ARHGAP21: variants seen among roughly 807,000 people sequenced by gnomAD.
The protein encoded by ARHGAP21 is Rho GTPase activating protein 21.
ARHGAP21 carries 38 observed loss-of-function variants against 164.6 expected under a neutral mutation model. The observed-to-expected ratio is 0.23, with a 90% CI of 0.18 to 0.30. The LOEUF (loss-of-function observed/expected upper bound fraction) is 0.30. Ranked by LOEUF, ARHGAP21 falls within the 10% of genes least tolerant of loss-of-function variation. The probability of loss-of-function intolerance (pLI) is 1.00; values close to 1 mark genes in which losing one functional copy is unlikely to be tolerated. For missense variants in ARHGAP21, 1,822 were observed against 2,370.7 expected (o/e 0.77, Z 4.81); for synonymous variants, 766 against 857.9 (o/e 0.89, Z 1.87).
intron 2 of ARHGAP21, among the ~76,000 whole-genome samples, chr10:24,721,499 G>A (rs989779845): frequency 2.0e-5 from 3 of 152,218 alleles, no homozygotes; most frequent in Non-Finnish European, 4.4e-5. Flanking sequence ...TATCTCGGAA[G>A]GGGACTGAAG....
At chr10:24,692,097 G>T (rs1842802592) in intron 2 of ARHGAP21, among the ~76,000 whole-genome samples, 2 of 152,208 alleles carry the variant, frequency 1.3e-5, no homozygotes, top group Admixed American at 6.5e-5. Flanking sequence ...CAGGTGTTCA[G>T]ATTTTTCTTG....
In ARHGAP21 at chr10:24,629,460, T is replaced by C. The variant is rs528367976; in HGVS notation, c.495+536A>G. The C allele has an allele frequency of 3.3e-4, 50 of 152,652 alleles. No individual in the cohort carries two copies. The South Asian group carries it at 9.5e-3, about 29-fold the overall frequency. The allele number at this position is 152,652 out of a possible 1,614,324, so 9.5% of individuals were successfully genotyped here. ...GACCATAACATATTTTCCCCTTAAGTTGTAGACTCCGTTCATTGTGAACAT... is the reference window on the plus strand; with the variant it reads ...GACCATAACATATTTTCCCCTTAAGCTGTAGACTCCGTTCATTGTGAACAT... On this transcript the variant is annotated intron_variant, in intron 7 of 25. Coordinates refer to ENST00000396432, the MANE Select transcript of ARHGAP21 (RefSeq NM_020824.4).
intron 11 of ARHGAP21, 44 bp downstream of exon 11, chr10:24,607,455 C>G (rs770148156): frequency 4.6e-6 from 7 of 1,531,866 alleles, no homozygotes; most frequent in Middle Eastern, 4.7e-4. Flanking sequence ...ATGCTGAACA[C>G]CCACCCACAT....
chr10:24,651,803 G>T (rs952336708), intron 4 of ARHGAP21, among the ~76,000 whole-genome samples: 3 of 152,146 alleles, frequency 2.0e-5, no homozygotes, highest in African/African-American at 7.2e-5. Flanking sequence ...TAGATCAAAA[G>T]ATTCCATATT....
At chr10:24,659,084 G>A (rs548477672) in intron 4 of ARHGAP21, among the ~76,000 whole-genome samples, 14 of 152,268 alleles carry the variant, frequency 9.2e-5, no homozygotes, top group African/African-American at 2.2e-4. Context: ...TTCATTGCTG[G>A]TGGAGACATA....
chr10:24,688,065 T>G (rs568880900), intron 2 of ARHGAP21, among the ~76,000 whole-genome samples: 3 of 152,324 alleles, frequency 2.0e-5, no homozygotes, highest in African/African-American at 7.2e-5. Flanking sequence ...TCAAAGAATT[T>G]TATAGCTAGA....
intron 5 of ARHGAP21, 57 bp downstream of exon 5, chr10:24,634,954 G>A (rs1836220215): frequency 7.8e-7 from 1 of 1,276,256 alleles, no homozygotes; most frequent in Admixed American, 2.6e-5. Context: ...ATGAAATATG[G>A]AAGAAATAAA....
chr10:24,698,234 T>C (rs1441951095), intron 2 of ARHGAP21, among the ~76,000 whole-genome samples: 1 of 152,220 alleles, frequency 6.6e-6, no homozygotes. Context: ...TATATAGTAC[T>C]ATGTAAAAAC....
At chr10:24,702,957 C>T (rs1843839044) in intron 2 of ARHGAP21, among the ~76,000 whole-genome samples, 1 of 152,098 alleles carries the variant, frequency 6.6e-6, no homozygotes. Flanking sequence ...AAATGTTCAA[C>T]AGATAAATGG....
At chr10:24,683,028 G>A (rs535280172) in intron 2 of ARHGAP21, among the ~76,000 whole-genome samples, 81 of 150,762 alleles carry the variant, frequency 5.4e-4, no homozygotes, top group Admixed American at 1.8e-3. Context: ...CCCGGGAGGC[G>A]GAGCATGCAG....
At chr10:24,690,514 A>G (rs1842666356) in intron 2 of ARHGAP21, among the ~76,000 whole-genome samples, 1 of 152,126 alleles carries the variant, frequency 6.6e-6, no homozygotes, top group South Asian at 2.1e-4. Flanking sequence ...TGCTATTCTA[A>G]GTGCCCCATA....
intron 2 of ARHGAP21, among the ~76,000 whole-genome samples, chr10:24,671,775 T>G (rs1593241406): frequency 6.6e-6 from 1 of 150,708 alleles, no homozygotes; most frequent in East Asian, 1.9e-4. Context: ...TGGGCTGGAG[T>G]GCAGTGCCAT....
rs142249891 is a variant in ARHGAP21, at chr10:24,717,205, A to G, written c.63+4632T>C. The stretch of plus-strand genomic sequence containing the variant: ...GATGTCGAGGAAACCTCAAAGAGAC[A>G]GAAGGAGGTGACAACGAGGAAGGAA... On this transcript the variant is annotated intron_variant, in intron 2 of 25. Coordinates refer to ENST00000396432, the MANE Select transcript of ARHGAP21 (RefSeq NM_020824.4). Among the ~76,000 whole-genome samples, 230 of 152,368 alleles carry G rather than the reference A, an allele frequency of 1.5e-3. 5 individuals are homozygous for G. In the East Asian group the frequency reaches 0.038, roughly 25 times the overall value.
chr10:24,600,013 A>T (rs1460734479), intron 14 of ARHGAP21, among the ~76,000 whole-genome samples: 1 of 151,766 alleles, frequency 6.6e-6, no homozygotes, highest in Non-Finnish European at 1.5e-5. Flanking sequence ...GCTGCCTGTC[A>T]TCCCAGCTAC....
intron 2 of ARHGAP21, among the ~76,000 whole-genome samples, chr10:24,704,235 A>C (rs1386947599): frequency 6.6e-6 from 1 of 151,908 alleles, no homozygotes; most frequent in Non-Finnish European, 1.5e-5. Context: ...CAGAAGCCAC[A>C]GGAGATGTCA....
chr10:24,721,045 T>C lies in ARHGAP21; in HGVS notation c.63+792A>G, dbSNP rs182341967. 3.3e-5 allele frequency among the ~76,000 whole-genome samples: 5 copies of C among 150,196 alleles called. No homozygotes were observed. The East Asian group carries it at 9.8e-4, about 29-fold the overall frequency. ...AGAGTATATGCGTGTCATAAATCAA[T>C]GTATTTTCTATGATTTCTGTCCTGC... On this transcript the variant is annotated intron_variant, in intron 2 of 25. Coordinates refer to ENST00000396432, the MANE Select transcript of ARHGAP21 (RefSeq NM_020824.4).
intron 9 of ARHGAP21, among the ~76,000 whole-genome samples, chr10:24,614,154 T>C (rs1333545659): frequency 1.3e-5 from 2 of 151,970 alleles, no homozygotes; most frequent in African/African-American, 2.4e-5. Flanking sequence ...AGCAAGGGAG[T>C]AGAAATGTGG....
chr10:24,646,798 C>T (rs1401401723), intron 4 of ARHGAP21, among the ~76,000 whole-genome samples: 1 of 152,092 alleles, frequency 6.6e-6, no homozygotes, highest in Non-Finnish European at 1.5e-5. Flanking sequence ...GATCATTATA[C>T]AATGCATATA....
chr10:24,587,274 T>G (rs1381475139), intron 25 of ARHGAP21, among the ~76,000 whole-genome samples: 1 of 152,112 alleles, frequency 6.6e-6, no homozygotes, highest in East Asian at 1.9e-4. Context: ...CATGAGCCAC[T>G]GCATCTAGAT....
Sources: allele counts gnomAD v4.1 joint callset (sites outside exome capture counted in the v4.1 genomes callset), GRCh38; gene constraint gnomAD v4.1.1; transcripts MANE v1.5; gene names NCBI Gene and HGNC (gene_info 2026-07-23, HGNC 2026-07-21).